KDM2A: variants seen among roughly 807,000 people sequenced by gnomAD.
KDM2A encodes the protein lysine demethylase 2A, also known as lysine-specific demethylase 2A.
Under a neutral mutation model 137.3 loss-of-function variants are expected in KDM2A, and 3 were observed. That is an observed-to-expected ratio of 0.02 (90% CI 0.01 to 0.06). The LOEUF is 0.06. Ranked by LOEUF, KDM2A falls within the 10% of genes least tolerant of loss-of-function variation. KDM2A has a pLI of 1.00. For missense variants in KDM2A, 738 were observed against 1,510.6 expected, an observed-to-expected ratio of 0.49 and a Z score of 8.48; for synonymous variants, 512 against 541.5, an observed-to-expected ratio of 0.95 and a Z score of 0.76.
chr11:67,192,379 A>C (rs1232700742), intron 5 of KDM2A, among the ~76,000 whole-genome samples: 2 of 151,232 alleles, frequency 1.3e-5, no homozygotes, highest in African/African-American at 4.9e-5. Context: ...CATTGTATGA[A>C]TATACCATAA....
chr11:67,183,038 CTAAAACGTGAAAG>C (rs1857125033), intron 5 of KDM2A, among the ~76,000 whole-genome samples: 1 of 152,212 alleles, frequency 6.6e-6, no homozygotes, highest in Non-Finnish European at 1.5e-5. Flanking sequence ...TTCTGTTCAT[CTAAAACGTGAAAG>C]TCACAGATAT....
Position 67,217,895 on chromosome 11 carries a change from T to C in KDM2A, c.841+11T>C, listed in dbSNP as rs763277369. ...TCGTCATTCCCTCAGGTAAGCAAAA[T>C]GGGAAGAGTGGGTTATTTAGCCATT... On this transcript the variant is annotated intron_variant, in intron 9 of 20. Coordinates refer to ENST00000529006, the MANE Select transcript of KDM2A (RefSeq NM_012308.3). 3.2e-6 allele frequency: 5 copies of C among 1,579,264 alleles called. No individual in the cohort carries two copies. Among genetic ancestry groups the C allele is most frequent in the Non-Finnish European group, 4.3e-6 (5 of 1,162,450 alleles).
intron 2 of KDM2A, among the ~76,000 whole-genome samples, chr11:67,151,853 T>TCTTTG (rs1856398251): frequency 6.6e-6 from 1 of 152,146 alleles, no homozygotes; most frequent in African/African-American, 2.4e-5. Context: ...TAAGCAATTC[T>TCTTTG]CTTACCTCAA....
In KDM2A at chr11:67,181,356, G is replaced by A; in HGVS notation, c.218G>A (p.Arg73Lys). The change falls in exon 4 of 21, where the codon AGA becomes AAA. Residue 73 changes from arginine (R) to lysine (K), a missense_variant. Arg to Lys is a conservative substitution (Grantham distance 26). Coordinates refer to ENST00000529006, the MANE Select transcript of KDM2A (RefSeq NM_012308.3). ...GAGTATATTCAGCGGGGTGGCTTGA[G>A]AGATCCTCTGATTTTCAAGAATTCT... ...NVEYIQRGGL[R>K]DPLIFKNSDG... The A allele has an allele frequency of 6.2e-7, 1 of 1,612,460 alleles. No homozygotes were observed. Among genetic ancestry groups the A allele is most frequent in the Non-Finnish European group, 8.5e-7 (1 of 1,179,034 alleles).
intron 2 of KDM2A, among the ~76,000 whole-genome samples, chr11:67,160,891 T>G (rs750671474): frequency 7.9e-5 from 12 of 152,238 alleles, no homozygotes; most frequent in Non-Finnish European, 1.2e-4. Context: ...GAGAATTGCT[T>G]GAGCCCAGGA....
chr11:67,231,321 A>T (rs1371273984), intron 11 of KDM2A, among the ~76,000 whole-genome samples: 1 of 152,160 alleles, frequency 6.6e-6, no homozygotes, highest in Non-Finnish European at 1.5e-5. Flanking sequence ...ACTAGGTCCT[A>T]CCCAAACTTT....
chr11:67,142,599 G>A (rs1165212534), intron 2 of KDM2A, among the ~76,000 whole-genome samples: 2 of 142,346 alleles, frequency 1.4e-5, no homozygotes, highest in Admixed American at 7.0e-5. Context: ...GGGTTGGGGG[G>A]GCGTCAAGGC....
At chr11:67,218,766 A>G (rs1331296066) in intron 9 of KDM2A, among the ~76,000 whole-genome samples, 1 of 152,076 alleles carries the variant, frequency 6.6e-6, no homozygotes, top group Non-Finnish European at 1.5e-5. Flanking sequence ...GTGCACCACC[A>G]TGCCCAGCTA....
intron 2 of KDM2A, among the ~76,000 whole-genome samples, chr11:67,133,176 T>G (rs541390329): frequency 6.6e-6 from 1 of 152,318 alleles, no homozygotes; most frequent in Non-Finnish European, 1.5e-5. Flanking sequence ...CTTGGCTCAG[T>G]GCAATCTCCG....
intron 5 of KDM2A, among the ~76,000 whole-genome samples, chr11:67,203,037 C>A (rs1340789327): frequency 1.3e-5 from 2 of 151,532 alleles, no homozygotes; most frequent in Non-Finnish European, 2.9e-5. Flanking sequence ...GTTTACACTT[C>A]AGCGAAAGAA....
chr11:67,247,037 T>A (rs750681326), intron 15 of KDM2A, among the ~76,000 whole-genome samples: 12 of 33,066 alleles, frequency 3.6e-4, no homozygotes, highest in Non-Finnish European at 5.6e-4. Flanking sequence ...ATAAATTATT[T>A]TATATATATA....
At chr11:67,190,535 G>A (rs186264441) in intron 5 of KDM2A, among the ~76,000 whole-genome samples, 74 of 152,238 alleles carry the variant, frequency 4.9e-4, no homozygotes, top group African/African-American at 1.7e-3. Context: ...CAAGGTGGGT[G>A]CATTGCCTGA....
chr11:67,145,893 T>A (rs1389388337), intron 2 of KDM2A, among the ~76,000 whole-genome samples: 4 of 151,910 alleles, frequency 2.6e-5, no homozygotes, highest in Admixed American at 6.6e-5. Flanking sequence ...TTTTTTTTTT[T>A]AATTCCTGCT....
rs183397210 is a variant in KDM2A at position 67,161,180 on chromosome 11, G to A, written c.43-18899G>A. On this transcript the variant is annotated intron_variant, in intron 2 of 20. Coordinates refer to ENST00000529006, the MANE Select transcript of KDM2A (RefSeq NM_012308.3). ...AGTTTGAGACTAACTTGAGAACGCAGTGTGATCCTGTCTCTATTAAAAATT... is the reference window on the plus strand; with the variant it reads ...AGTTTGAGACTAACTTGAGAACGCAATGTGATCCTGTCTCTATTAAAAATT... Among the ~76,000 whole-genome samples the A allele has an allele frequency of 1.7e-3, 253 of 152,294 alleles. 1 individual carries two copies. The highest frequency in any genetic ancestry group is 3.3e-3 in the Admixed American group (50 of 15,288).
At chr11:67,209,147 G>C (rs1436510441) in intron 6 of KDM2A, among the ~76,000 whole-genome samples, 1 of 151,464 alleles carries the variant, frequency 6.6e-6, no homozygotes, top group African/African-American at 2.4e-5. Context: ...TGGCCAGGCT[G>C]GTCTTGAACT....
chr11:67,166,185 CTTTTTTT>C (rs926802116), intron 2 of KDM2A, among the ~76,000 whole-genome samples: 1 of 131,554 alleles, frequency 7.6e-6, no homozygotes. Context: ...CAATATTTCT[CTTTTTTT>C]TTTTTTTTTT....
rs1201275445 is a variant in KDM2A, at chr11:67,255,747, A to G, written c.*692A>G. On this transcript the variant is annotated 3_prime_UTR_variant, in exon 21 of 21. Transcript: ENST00000529006. ...CTAGTCTCTATGAGGTCCTTATTGC[A>G]CTTATTGGGGTTGAAGCTCTTCAGA... The G allele has an allele frequency of 2.2e-5, 8 of 360,114 alleles. No homozygotes were observed. The highest frequency in any genetic ancestry group is 2.2e-5 in the Non-Finnish European group (4 of 179,918). The allele number at this position is 360,114 out of a possible 1,614,324, so 22.3% of individuals were successfully genotyped here. A position where few individuals can be genotyped will look rare whatever the true frequency, so the allele number is the denominator to read the frequency against.
At chr11:67,179,928 C>G in intron 2 of KDM2A, 151 bp from the exon 3 acceptor site, 2 of 683,282 alleles carry the variant, frequency 2.9e-6, no homozygotes, top group Non-Finnish European at 2.4e-6. Flanking sequence ...AGAATATCAG[C>G]TATCTTGAGA....
At chr11:67,157,277 C>T (rs1351560401) in intron 2 of KDM2A, among the ~76,000 whole-genome samples, 2 of 145,086 alleles carry the variant, frequency 1.4e-5, no homozygotes, top group Non-Finnish European at 3.0e-5. Flanking sequence ...CGCGCCACTG[C>T]ACTCCATCCA....
Sources: allele counts gnomAD v4.1 joint callset (sites outside exome capture counted in the v4.1 genomes callset), GRCh38; gene constraint gnomAD v4.1.1; transcripts MANE v1.5; gene names NCBI Gene and HGNC (gene_info 2026-07-23, HGNC 2026-07-21).